Variants in PCDHA3 observed in about 807,000 individuals in gnomAD.
PCDHA3 encodes protocadherin alpha 3.
Under a neutral mutation model 62.2 loss-of-function variants are expected in PCDHA3, and 41 were observed. The observed-to-expected ratio is 0.66, with a 90% CI of 0.51 to 0.86. PCDHA3 has a LOEUF of 0.86. Ranked by LOEUF, PCDHA3 falls within the 40% of genes least tolerant of loss-of-function variation. The pLI, the probability that PCDHA3 is intolerant of heterozygous loss-of-function variation, is 0.00. For missense variants in PCDHA3, 1,304 were observed against 1,241.2 expected (o/e 1.05, Z -0.76); for synonymous variants, 640 against 555.4 (o/e 1.15, Z -2.14).
intron 1 of PCDHA3, chr5:140,830,224 G>C (rs2150182996): frequency 6.2e-7 from 1 of 1,613,900 alleles, no homozygotes; most frequent in African/African-American, 1.3e-5. Context: ...CCAGCCTGCT[G>C]GTCCTCACGC....
In PCDHA3 at chr5:140,850,498, C is replaced by G; in HGVS notation, c.2394+46907C>G. The G allele has an allele frequency of 1.3e-6, 2 of 1,598,138 alleles. 1 individual carries two copies. The highest frequency in any genetic ancestry group is 4.5e-5 in the East Asian group (2 of 44,830). ...ACGGCCACGGCCACTGTGCTGGTGT[C>G]GCTGGTGGAGAGCGGCCAGGCGCCA... On this transcript the variant is annotated intron_variant, in intron 1 of 3. Transcript: ENST00000522353.
At chr5:140,949,336 A>G (rs1585327315) in intron 1 of PCDHA3, among the ~76,000 whole-genome samples, 1 of 151,920 alleles carries the variant, frequency 6.6e-6, no homozygotes, top group South Asian at 2.1e-4. Context: ...ATTGTTATCC[A>G]GATTTTCTGT....
chr5:140,954,405 G>T (rs246023), intron 1 of PCDHA3, among the ~76,000 whole-genome samples: 85,299 of 151,648 alleles, frequency 0.56, 24,568 homozygotes, highest in African/African-American at 0.69. Context: ...CCACCAACAG[G>T]GTAAAGGTGT....
chr5:140,972,056 G>A (rs995898254), intron 1 of PCDHA3, among the ~76,000 whole-genome samples: 8 of 152,106 alleles, frequency 5.3e-5, no homozygotes, highest in Non-Finnish European at 1.2e-4. Flanking sequence ...TCACCTAGTC[G>A]TATATATTAA....
intron 1 of PCDHA3, chr5:140,848,613 G>C (rs147099629): frequency 6.3e-7 from 1 of 1,587,628 alleles, no homozygotes; most frequent in Admixed American, 1.7e-5. Flanking sequence ...GGAGGAAGCC[G>C]AACACGGCAC....
At position 140,853,566 on chromosome 5, in the gene PCDHA3, G is replaced by A; in HGVS notation, c.2394+49975G>A. 2.0e-6 allele frequency: 2 copies of A among 981,338 alleles called. 1 individual carries two copies. The highest frequency in any genetic ancestry group is 2.5e-6 in the Non-Finnish European group (2 of 813,850). 60.8% of individuals were successfully genotyped at this position (981,338 alleles called of 1,614,324 possible). A position where few individuals can be genotyped will look rare whatever the true frequency, so the allele number is the denominator to read the frequency against. ...GTAATTACTATATAGGAAAAACTAA[G>A]TTGTCACCCAATATCTTAGACACTT... On this transcript the variant is annotated intron_variant, in intron 1 of 3. Transcript: ENST00000522353.
chr5:140,995,581 G>A (rs1268400169), intron 3 of PCDHA3, among the ~76,000 whole-genome samples: 6 of 152,292 alleles, frequency 3.9e-5, no homozygotes, highest in Admixed American at 2.0e-4. Context: ...TGAGCTATGA[G>A]CTTTTAACTT....
chr5:140,850,240 T>G, intron 1 of PCDHA3: 1 of 1,593,446 alleles, frequency 6.3e-7, no homozygotes, highest in East Asian at 2.2e-5. Flanking sequence ...GAGATGGTGC[T>G]GCGGTCGGTG....
intron 1 of PCDHA3, among the ~76,000 whole-genome samples, chr5:140,936,021 T>TA (rs2090725097): frequency 1.3e-5 from 2 of 151,374 alleles, no homozygotes; most frequent in African/African-American, 4.9e-5. Flanking sequence ...GCCTCCCGAG[T>TA]AGCGGGGATT....
intron 1 of PCDHA3, among the ~76,000 whole-genome samples, chr5:140,891,205 A>G (rs561238636): frequency 3.3e-5 from 5 of 152,120 alleles, no homozygotes; most frequent in African/African-American, 1.2e-4. Context: ...CAGTTTTACC[A>G]TGCTGTGTCT....
chr5:140,835,749 G>A, intron 1 of PCDHA3: 1 of 1,613,432 alleles, frequency 6.2e-7, no homozygotes, highest in Non-Finnish European at 8.5e-7. Context: ...CCCGGCGTTC[G>A]CGCAGCCCGA....
chr5:141,001,594 A>AT (rs1216872407), intron 3 of PCDHA3, among the ~76,000 whole-genome samples: 1 of 152,040 alleles, frequency 6.6e-6, no homozygotes, highest in Non-Finnish European at 1.5e-5. Flanking sequence ...GATTACTCAG[A>AT]TTAGGTTTGC....
intron 1 of PCDHA3, chr5:140,851,454 T>C: frequency 1.1e-6 from 1 of 899,244 alleles, no homozygotes; most frequent in Non-Finnish European, 1.4e-6. Flanking sequence ...ACTTTAGGAA[T>C]CAAATTATGT....
intron 3 of PCDHA3, among the ~76,000 whole-genome samples, chr5:140,985,373 C>G (rs1228293287): frequency 6.6e-6 from 1 of 152,106 alleles, no homozygotes. Flanking sequence ...TTATCTGGGT[C>G]TATATAATCC....
chr5:141,012,182 A>T lies in PCDHA3; in HGVS notation c.*2245A>T, dbSNP rs1334407628. On this transcript the variant is annotated 3_prime_UTR_variant, in exon 4 of 4. Coordinates refer to ENST00000522353, the MANE Select transcript of PCDHA3 (RefSeq NM_018906.3). ...CTAATTTATTAATGATGATAATTATAATGTATCTGTACAGCACTTTTTACA... is the reference window on the plus strand; with the variant it reads ...CTAATTTATTAATGATGATAATTATTATGTATCTGTACAGCACTTTTTACA... 6.5e-6 allele frequency: 1 copy of T among 153,776 alleles called. No homozygotes were observed. The highest frequency in any genetic ancestry group is 1.5e-5 in the Non-Finnish European group (1 of 68,050). 9.5% of individuals were successfully genotyped at this position (153,776 alleles called of 1,614,324 possible).
At chr5:140,831,833 A>G (rs2150197532) in intron 1 of PCDHA3, among the ~76,000 whole-genome samples, 10 of 152,180 alleles carry the variant, frequency 6.6e-5, no homozygotes, top group Non-Finnish European at 7.3e-5. Context: ...ACTAGTTTCA[A>G]TGATAGAATT....
intron 1 of PCDHA3, among the ~76,000 whole-genome samples, chr5:140,916,660 T>A (rs2077673786): frequency 6.6e-6 from 1 of 152,172 alleles, no homozygotes; most frequent in African/African-American, 2.4e-5. Flanking sequence ...GTATCCAAGA[T>A]GCAAGACAAA....
chr5:140,958,617 A>C (rs2095434462), intron 1 of PCDHA3, among the ~76,000 whole-genome samples: 1 of 152,204 alleles, frequency 6.6e-6, no homozygotes, highest in Admixed American at 6.5e-5. Flanking sequence ...ATACTAGTCC[A>C]GCTTGAGAGT....
At chr5:140,880,822 A>G (rs893258483) in intron 1 of PCDHA3, among the ~76,000 whole-genome samples, 1 of 152,206 alleles carries the variant, frequency 6.6e-6, no homozygotes, top group Non-Finnish European at 1.5e-5. Context: ...GAGTGTCTGG[A>G]AGGGCATATT....
Sources: allele counts gnomAD v4.1 joint callset (sites outside exome capture counted in the v4.1 genomes callset), GRCh38; gene constraint gnomAD v4.1.1; transcripts MANE v1.5; gene names NCBI Gene and HGNC (gene_info 2026-07-23, HGNC 2026-07-21).